Variants in GTF3C1 observed in about 807,000 individuals in gnomAD.
GTF3C1 encodes the protein general transcription factor 3C polypeptide 1.
GTF3C1 carries 57 observed loss-of-function variants against 226.7 expected under a neutral mutation model. That is an observed-to-expected ratio of 0.25 (90% CI 0.20 to 0.31). The LOEUF (loss-of-function observed/expected upper bound fraction) is 0.31. GTF3C1 is among the 10% of genes least tolerant of loss of function. GTF3C1 has a pLI of 1.00. For synonymous variants in GTF3C1, 1,090 were observed against 1,084.8 expected (o/e 1.00, Z -0.09); for missense variants, 2,217 against 2,776.1 (o/e 0.80, Z 4.53).
chr16:27,516,942 C>T (rs2088668021), intron 6 of GTF3C1, among the ~76,000 whole-genome samples: 1 of 152,184 alleles, frequency 6.6e-6, no homozygotes, highest in Non-Finnish European at 1.5e-5. Context: ...TGGTGCACAT[C>T]TTTCCTTTGG....
chr16:27,520,741 A>C (rs1467586971), intron 6 of GTF3C1, among the ~76,000 whole-genome samples: 1 of 152,012 alleles, frequency 6.6e-6, no homozygotes, highest in Non-Finnish European at 1.5e-5. Flanking sequence ...TGTTGTTGAG[A>C]TGGAGTTTTG....
chr16:27,514,557 C>T (rs943588931), intron 6 of GTF3C1, among the ~76,000 whole-genome samples: 20 of 152,092 alleles, frequency 1.3e-4, no homozygotes, highest in South Asian at 4.1e-4. Flanking sequence ...GTCCTCTAGA[C>T]AAGCCCCTCC....
chr16:27,495,327 G>A lies in GTF3C1; in HGVS notation c.2516C>T (p.Ala839Val), dbSNP rs1251882863. The change falls in exon 15 of 37, where the codon GCA (alanine) becomes GTA (valine). Residue 839 changes from alanine (A) to valine (V), a missense_variant. By Grantham distance (64) the Ala-to-Val change is moderately conservative. This residue lies in a region of GTF3C1 where 353 missense variants were observed against 411.7 expected (regional missense o/e 0.86). Transcript: ENST00000356183. ...RRTIKQESGR[A>V]GVRPSSSGSA... ...TCCAGAGGAGGACGGCCGGACGCCTGCCCTGCCTGACTCCTGCTTTATCGT... is the reference window on the plus strand; with the variant it reads ...TCCAGAGGAGGACGGCCGGACGCCTACCCTGCCTGACTCCTGCTTTATCGT... 6.2e-7 allele frequency: 1 copy of A among 1,613,848 alleles called. No individual in the cohort carries two copies. The highest frequency in any genetic ancestry group is 8.5e-7 in the Non-Finnish European group (1 of 1,179,760).
chr16:27,494,720 G>A (rs761514005), intron 16 of GTF3C1, 43 bp downstream of exon 16: 2 of 1,525,242 alleles, frequency 1.3e-6, no homozygotes, highest in South Asian at 2.2e-5. Flanking sequence ...CCAGCCCAGA[G>A]CTGAGGGGCA....
chr16:27,481,229 C>T (rs1261693534), intron 26 of GTF3C1, 38 bp from the exon 27 acceptor site: 3 of 1,565,878 alleles, frequency 1.9e-6, no homozygotes, highest in African/African-American at 2.7e-5. Context: ...AGCCCTTACT[C>T]TTCCTAAAGG....
chr16:27,495,157 A>T, intron 15 of GTF3C1, 54 bp downstream of exon 15: 1 of 1,332,214 alleles, frequency 7.5e-7, no homozygotes, highest in South Asian at 1.2e-5. Flanking sequence ...TTCTCCCTGG[A>T]TCCTACTACT....
At chr16:27,503,697 C>T (rs1305423180) in intron 10 of GTF3C1, among the ~76,000 whole-genome samples, 1 of 152,246 alleles carries the variant, frequency 6.6e-6, no homozygotes, top group Non-Finnish European at 1.5e-5. Flanking sequence ...GAACCTGTTT[C>T]ACCCAACACT....
chr16:27,501,869 G>C (rs1005872864), intron 11 of GTF3C1, among the ~76,000 whole-genome samples: 5 of 152,144 alleles, frequency 3.3e-5, no homozygotes, highest in African/African-American at 1.2e-4. Flanking sequence ...TTGGGAAGCC[G>C]AGACAGGCAG....
intron 7 of GTF3C1, among the ~76,000 whole-genome samples, chr16:27,511,194 T>C (rs1421489216): frequency 6.6e-6 from 1 of 152,144 alleles, no homozygotes; most frequent in Non-Finnish European, 1.5e-5. Context: ...GCAGGCACCA[T>C]CCAATCAGCC....
chr16:27,472,019 G>C, intron 29 of GTF3C1, 99 bp from the exon 30 acceptor site: 1 of 1,032,208 alleles, frequency 9.7e-7, no homozygotes, highest in Non-Finnish European at 1.5e-6. Flanking sequence ...GCTTTATAGA[G>C]GAAGTGACCG....
intron 9 of GTF3C1, among the ~76,000 whole-genome samples, chr16:27,506,443 T>C (rs1192672796): frequency 6.6e-6 from 1 of 152,166 alleles, no homozygotes; most frequent in African/African-American, 2.4e-5. Flanking sequence ...CATTTAACGA[T>C]GTCCCCAGGG....
intron 2 of GTF3C1, 62 bp downstream of exon 2, chr16:27,545,252 C>A: frequency 1.7e-6 from 2 of 1,177,844 alleles, no homozygotes; most frequent in Non-Finnish European, 2.6e-6. Flanking sequence ...GCTGGGATTA[C>A]AGGCGTGAGC....
At chr16:27,525,432 T>C (rs891855916) in intron 6 of GTF3C1, among the ~76,000 whole-genome samples, 1 of 152,264 alleles carries the variant, frequency 6.6e-6, no homozygotes, top group African/African-American at 2.4e-5. Context: ...AGATGAGGTT[T>C]TGCTCTAGGA....
At position 27,484,647 on chromosome 16, in the gene GTF3C1, G is replaced by A. The variant is rs371766633; in HGVS notation, c.3859-294C>T. Among the ~76,000 whole-genome samples, 132 of 152,378 alleles carry A rather than the reference G, an allele frequency of 8.7e-4. 1 individual carries two copies. Among genetic ancestry groups the A allele is most frequent in the African/African-American group, 1.0e-3 (42 of 41,588 alleles). Reference sequence around the variant, plus strand: ...GGGCGGGGGGGAACTGCCTGAAAGGGCGCTGTATTAGAGGGAATCATGGGG... The same window carrying A: ...GGGCGGGGGGGAACTGCCTGAAAGGACGCTGTATTAGAGGGAATCATGGGG... On this transcript the variant is annotated intron_variant, in intron 24 of 36. Coordinates refer to ENST00000356183, the MANE Select transcript of GTF3C1 (RefSeq NM_001520.4).
At chr16:27,473,991 C>A (rs192455952) in intron 29 of GTF3C1, among the ~76,000 whole-genome samples, 3 of 152,182 alleles carry the variant, frequency 2.0e-5, no homozygotes, top group Non-Finnish European at 4.4e-5. Context: ...AGGATAGGAG[C>A]GCTCAGGCCA....
chr16:27,492,763 G>A lies in GTF3C1; in HGVS notation c.2877-50C>T, dbSNP rs1177179505. 8.0e-6 allele frequency: 8 copies of A among 1,000,880 alleles called. No homozygotes were observed. Among genetic ancestry groups the A allele is most frequent in the Non-Finnish European group, 1.3e-5 (8 of 620,554 alleles). 62.0% of individuals were successfully genotyped at this position (1,000,880 alleles called of 1,614,324 possible). A position where few individuals can be genotyped will look rare whatever the true frequency, so the allele number is the denominator to read the frequency against. ...TTCTCATCACACCACACTCGCAGCC[G>A]GCCGCAGGGGTCTGCATGTGGGGTG... On this transcript the variant is annotated intron_variant, in intron 17 of 36. Transcript: ENST00000356183. The surrounding 1 kb of genome is among the most constrained non-coding windows in gnomAD (Gnocchi z 5.0).
rs370745616 is a variant in GTF3C1 at position 27,503,010 on chromosome 16, G to T, written c.1771-15C>A. On this transcript the variant is annotated splice_polypyrimidine_tract_variant and intron_variant, in intron 10 of 36. Transcript: ENST00000356183. ...CTGCTACTCTCCTAGAACAGAGACC[G>T]AAAGCACAAGATGCAATGGGCTCGG... The T allele has an allele frequency of 6.2e-7, 1 of 1,607,906 alleles. No individual in the cohort carries two copies. The highest frequency in any genetic ancestry group is 8.5e-7 in the Non-Finnish European group (1 of 1,174,524).
At chr16:27,465,827 C>T (rs1209747222) in intron 32 of GTF3C1, 2 of 444,392 alleles carry the variant, frequency 4.5e-6, no homozygotes, top group Non-Finnish European at 8.3e-6. Context: ...GCACAGAGGC[C>T]GAGGACTGAG....
At position 27,462,303 on chromosome 16, in the gene GTF3C1, C is replaced by T. The variant is rs755142096; in HGVS notation, c.6108G>A (p.Glu2036=). The change falls in exon 36 of 37, where the codon GAG becomes GAA. Residue 2036 remains glutamate (E), a synonymous_variant. Transcript: ENST00000356183. This position sits in a 1 kb window ranked among gnomAD's most constrained non-coding sequence, Gnocchi z 4.5. ...CAGGAAGGCCCCACACCTGGAGCAA[C>T]TCCAGCACGGCGACGGGCTGCAGGA... ...QGVLQPVAVL[E]LLQGLESLGC... 34 of 1,550,922 alleles carry T rather than the reference C, an allele frequency of 2.2e-5. No homozygotes were observed. The South Asian group carries it at 3.6e-4, about 16-fold the overall frequency.
Sources: gnomAD v4.1 joint callset for allele counts (sites outside exome capture counted in the v4.1 genomes callset) on GRCh38, gnomAD v4.1.1 for gene constraint, gnomAD v4.1.1 regional missense constraint, Gnocchi (gnomAD v3.1) non-coding constraint, MANE v1.5 for transcripts, NCBI Gene and HGNC (gene_info 2026-07-23, HGNC 2026-07-21) for gene names.